IGF1R: variants seen among roughly 807,000 people sequenced by gnomAD.
The protein encoded by IGF1R is insulin like growth factor 1 receptor.
IGF1R carries 44 observed loss-of-function variants against 144.6 expected under a neutral mutation model. The ratio of observed to expected loss-of-function variants is 0.30; its 90% CI spans 0.24 to 0.39. IGF1R has a LOEUF of 0.39. IGF1R is among the 10% of genes least tolerant of loss of function. IGF1R has a pLI of 1.00. For synonymous variants in IGF1R, 795 were observed against 722.8 expected (o/e 1.10, Z -1.60); for missense variants, 1,355 against 1,833.7 (o/e 0.74, Z 4.77).
chr15:98,731,212 C>G (rs1402391901), intron 2 of IGF1R, among the ~76,000 whole-genome samples: 1 of 152,172 alleles, frequency 6.6e-6, no homozygotes, highest in Non-Finnish European at 1.5e-5. Flanking sequence ...ACTCTGGGCC[C>G]TGTGCTATAA....
chr15:98,686,545 C>T (rs1283330787), intron 1 of IGF1R, among the ~76,000 whole-genome samples: 1 of 152,032 alleles, frequency 6.6e-6, no homozygotes, highest in Non-Finnish European at 1.5e-5. Context: ...ATCTTGCCAA[C>T]GTTTATTTTT....
chr15:98,908,197 T>A (rs2014824533), intron 5 of IGF1R, among the ~76,000 whole-genome samples: 1 of 152,220 alleles, frequency 6.6e-6, no homozygotes, highest in Non-Finnish European at 1.5e-5. Context: ...CCCCACAAGC[T>A]TGTCTCCCTG....
chr15:98,933,816 G>T (rs12438493), intron 15 of IGF1R, among the ~76,000 whole-genome samples: 1 of 151,442 alleles, frequency 6.6e-6, no homozygotes, highest in South Asian at 2.1e-4. Context: ...GCCTGTCCAC[G>T]CTGGGCACCA....
chr15:98,694,317 C>T (rs2053547816), intron 1 of IGF1R, among the ~76,000 whole-genome samples: 1 of 152,084 alleles, frequency 6.6e-6, no homozygotes, highest in South Asian at 2.1e-4. Flanking sequence ...GTGTTCCTGG[C>T]CCATGGCAGG....
chr15:98,797,389 G>A (rs369604495), intron 2 of IGF1R, among the ~76,000 whole-genome samples: 28 of 152,354 alleles, frequency 1.8e-4, no homozygotes, highest in African/African-American at 6.0e-4. Context: ...TGAGCATGGC[G>A]AGTGGACCGT....
chr15:98,840,053 C>G (rs1425970037), intron 2 of IGF1R, among the ~76,000 whole-genome samples: 3 of 152,074 alleles, frequency 2.0e-5, no homozygotes, highest in East Asian at 1.9e-4. Flanking sequence ...TTGACACTGC[C>G]CTTGTGATTA....
intron 2 of IGF1R, among the ~76,000 whole-genome samples, chr15:98,871,896 C>T (rs976843245): frequency 6.6e-6 from 1 of 152,298 alleles, no homozygotes. Context: ...TATTTAGGAG[C>T]ACATTGTATT....
At chr15:98,939,645 G>T (rs2016292609) in intron 18 of IGF1R, among the ~76,000 whole-genome samples, 1 of 152,156 alleles carries the variant, frequency 6.6e-6, no homozygotes, top group Admixed American at 6.6e-5. Flanking sequence ...TCTTAGCATT[G>T]GTTACAGAAA....
At position 98,741,235 on chromosome 15, in the gene IGF1R, C is replaced by CTGT. The variant is rs755082795; in HGVS notation, c.640+33129_640+33130insGTT. On this transcript the variant is annotated intron_variant, in intron 2 of 20. Coordinates refer to ENST00000650285, the MANE Select transcript of IGF1R (RefSeq NM_000875.5). The stretch of plus-strand genomic sequence containing the variant: ...TATGGCTTTATATAGTTTTCCTGAG[C>CTGT]TTTTTTTTTTTTTTTTTTTTTTTTT... Among the ~76,000 whole-genome samples the CTGT allele has an allele frequency of 2.8e-4, 20 of 70,322 alleles. 2 individuals are homozygous for CTGT. The highest frequency in any genetic ancestry group is 8.8e-4 in the East Asian group (2 of 2,270). The allele number at this position is 70,322 out of a possible 152,430, so 46.1% of individuals were successfully genotyped here.
intron 2 of IGF1R, among the ~76,000 whole-genome samples, chr15:98,875,443 G>T (rs1370380101): frequency 6.7e-6 from 1 of 149,980 alleles, no homozygotes; most frequent in African/African-American, 2.5e-5. Context: ...ACAGTCATGT[G>T]TTGTACAAGT....
chr15:98,958,065 C>T lies in IGF1R; in HGVS notation c.*623C>T, dbSNP rs565525294. On this transcript the variant is annotated 3_prime_UTR_variant, in exon 21 of 21. Transcript: ENST00000650285. ...TGAACTTTCTCCCTCATCGGCCCGGCGCTGATTCCTCGTGTCCGGAGGCAT... is the reference window on the plus strand; with the variant it reads ...TGAACTTTCTCCCTCATCGGCCCGGTGCTGATTCCTCGTGTCCGGAGGCAT... 2.6e-5 allele frequency: 6 copies of T among 234,240 alleles called. No individual in the cohort carries two copies. The highest frequency in any genetic ancestry group is 6.6e-5 in the African/African-American group (3 of 45,458). 14.5% of individuals were successfully genotyped at this position (234,240 alleles called of 1,614,324 possible).
At position 98,704,969 on chromosome 15, in the gene IGF1R, T is replaced by C. The variant is rs2141254329; in HGVS notation, c.95-2593T>C. Reference sequence around the variant, plus strand: ...ACGTGAGCAACTCAGAGAATGAGAGTGCTGCAGTTTACAAGCTTGGAAGGT... The same window carrying C: ...ACGTGAGCAACTCAGAGAATGAGAGCGCTGCAGTTTACAAGCTTGGAAGGT... On this transcript the variant is annotated intron_variant, in intron 1 of 20. Coordinates refer to ENST00000650285, the MANE Select transcript of IGF1R (RefSeq NM_000875.5). This position sits in a 1 kb window ranked among gnomAD's most constrained non-coding sequence, Gnocchi z 4.9. Among the ~76,000 whole-genome samples the C allele has an allele frequency of 6.6e-6, 1 of 152,090 alleles. No individual in the cohort carries two copies. The highest frequency in any genetic ancestry group is 6.5e-5 in the Admixed American group (1 of 15,276).
intron 2 of IGF1R, among the ~76,000 whole-genome samples, chr15:98,820,493 TATG>T (rs144475455): frequency 0.028 from 4,233 of 152,292 alleles, 187 homozygotes; most frequent in African/African-American, 0.092. Flanking sequence ...AACTTCATTC[TATG>T]ATAAGATAAT....
intron 2 of IGF1R, among the ~76,000 whole-genome samples, chr15:98,789,683 G>A (rs772934660): frequency 2.0e-5 from 3 of 152,168 alleles, no homozygotes; most frequent in Non-Finnish European, 2.9e-5. Context: ...TTTCAAATTG[G>A]ATGATGCTCT....
At chr15:98,703,527 C>T (rs1375603474) in intron 1 of IGF1R, among the ~76,000 whole-genome samples, 38 of 152,230 alleles carry the variant, frequency 2.5e-4, no homozygotes, top group Admixed American at 2.5e-3. Flanking sequence ...GGTTCCTAGG[C>T]CCTGCCTCGT....
At chr15:98,862,772 C>A (rs965407546) in intron 2 of IGF1R, among the ~76,000 whole-genome samples, 5 of 152,168 alleles carry the variant, frequency 3.3e-5, no homozygotes, top group African/African-American at 4.8e-5. Flanking sequence ...AAGTTGTTTT[C>A]TTTTGCTTTA....
chr15:98,710,242 G>T (rs750383083), intron 2 of IGF1R, among the ~76,000 whole-genome samples: 1 of 152,166 alleles, frequency 6.6e-6, no homozygotes, highest in East Asian at 1.9e-4. Context: ...CAGCCCTGCT[G>T]ATGTTCCTTG....
At chr15:98,773,313 C>T (rs1169976035) in intron 2 of IGF1R, among the ~76,000 whole-genome samples, 1 of 152,096 alleles carries the variant, frequency 6.6e-6, no homozygotes, top group Non-Finnish European at 1.5e-5. Flanking sequence ...CTGTTGGCCT[C>T]AATGTTCAGC....
At chr15:98,753,532 C>A (rs898302121) in intron 2 of IGF1R, among the ~76,000 whole-genome samples, 3 of 151,746 alleles carry the variant, frequency 2.0e-5, no homozygotes, top group African/African-American at 7.3e-5. Flanking sequence ...TATGCCTGGC[C>A]AATAATTATA....
Sources: gnomAD v4.1 joint callset for allele counts (sites outside exome capture counted in the v4.1 genomes callset) on GRCh38, gnomAD v4.1.1 for gene constraint, Gnocchi (gnomAD v3.1) non-coding constraint, MANE v1.5 for transcripts, NCBI Gene and HGNC (gene_info 2026-07-23, HGNC 2026-07-21) for gene names.